The following FBXO42 variants were observed in gnomAD, a reference collection of about 807,000 sequenced individuals.
FBXO42 encodes F-box protein 42.
In FBXO42, 12 loss-of-function variants were observed where a neutral mutation model predicts 71.7. The observed-to-expected ratio is 0.17, with a 90% CI of 0.11 to 0.27. The LOEUF (loss-of-function observed/expected upper bound fraction) is 0.27, where lower values mean the gene tolerates loss of function less well. Among genes scored for constraint, FBXO42 ranks in the 10% least tolerant of loss-of-function variants. The pLI is 1.00. For synonymous variants in FBXO42, 325 were observed against 327.5 expected, an observed-to-expected ratio of 0.99 and a Z score of 0.08; for missense variants, 707 against 911.9, an observed-to-expected ratio of 0.78 and a Z score of 2.89.
At chr1:16,279,831 A>G (rs1271475325) in intron 4 of FBXO42, among the ~76,000 whole-genome samples, 2 of 144,364 alleles carry the variant, frequency 1.4e-5, no homozygotes, top group Non-Finnish European at 3.0e-5. Flanking sequence ...GTGAAAAATC[A>G]TGTTGACAAT....
rs2081581674 is a variant in FBXO42 at position 16,250,650 on chromosome 1, G to A, written c.*20C>T. On this transcript the variant is annotated 3_prime_UTR_variant, in exon 10 of 10. Transcript: ENST00000375592. The surrounding 1 kb of genome is among the most constrained non-coding windows in gnomAD (Gnocchi z 4.7). ...ATTCCAAATTAAAAGCCACAGAAAA[G>A]GAAAGGGGTTTAGAACACATTATCT... 6.3e-7 allele frequency: 1 copy of A among 1,592,866 alleles called. No homozygotes were observed. Among genetic ancestry groups the A allele is most frequent in the East Asian group, 2.2e-5 (1 of 44,498 alleles).
intron 1 of FBXO42, among the ~76,000 whole-genome samples, chr1:16,350,757 A>AAAAAGAAAGAAAGAAAGAAAG (rs1553156683): frequency 1.6e-4 from 7 of 44,250 alleles, no homozygotes; most frequent in Non-Finnish European, 2.9e-4. Context: ...AAAAAAAAAA[A>AAAAAGAAAGAAAGAAAGAAAG]AAAGAAAGAA....
chr1:16,300,154 T>C (rs1021287309), intron 3 of FBXO42, among the ~76,000 whole-genome samples: 1 of 152,144 alleles, frequency 6.6e-6, no homozygotes, highest in African/African-American at 2.4e-5. Context: ...AATAGAAAAT[T>C]TTCCTTTCAG....
At chr1:16,308,400 T>G (rs1465529836) in intron 2 of FBXO42, among the ~76,000 whole-genome samples, 3 of 152,110 alleles carry the variant, frequency 2.0e-5, no homozygotes, top group Non-Finnish European at 4.4e-5. Flanking sequence ...GGAGGATCGC[T>G]TGAGCCCAGG....
intron 3 of FBXO42, among the ~76,000 whole-genome samples, chr1:16,298,121 G>A (rs886662136): frequency 2.6e-5 from 4 of 151,988 alleles, no homozygotes; most frequent in African/African-American, 9.7e-5. Flanking sequence ...AGCTACTGGG[G>A]AGGCTGAGGC....
intron 4 of FBXO42, among the ~76,000 whole-genome samples, chr1:16,285,306 C>T (rs1211900501): frequency 6.6e-6 from 1 of 151,986 alleles, no homozygotes; most frequent in Non-Finnish European, 1.5e-5. Flanking sequence ...TCTTCCCATG[C>T]TCTGTTGCCC....
chr1:16,271,262 T>TGTTG (rs1341468836), intron 4 of FBXO42, among the ~76,000 whole-genome samples: 2 of 60,808 alleles, frequency 3.3e-5, no homozygotes, highest in African/African-American at 7.8e-5. Flanking sequence ...TGTGTTGGTG[T>TGTTG]GTGTGTGTGT....
intron 4 of FBXO42, among the ~76,000 whole-genome samples, chr1:16,265,861 T>C (rs2081766105): frequency 6.6e-6 from 1 of 151,860 alleles, no homozygotes; most frequent in Admixed American, 6.6e-5. Context: ...CTGATCTGCA[T>C]ACTACACAGT....
At chr1:16,322,555 A>G (rs2082416766) in intron 1 of FBXO42, among the ~76,000 whole-genome samples, 1 of 152,208 alleles carries the variant, frequency 6.6e-6, no homozygotes, top group South Asian at 2.1e-4. Context: ...CAGCCTGGGC[A>G]ACAGAGCGAG....
chr1:16,253,379 T>C (rs1569805957), intron 7 of FBXO42: 1 of 594,406 alleles, frequency 1.7e-6, no homozygotes. Flanking sequence ...TTAACATGAA[T>C]GTCAACCACA....
intron 3 of FBXO42, 93 bp downstream of exon 3, chr1:16,305,710 T>C: frequency 9.3e-7 from 1 of 1,074,702 alleles, no homozygotes; most frequent in Non-Finnish European, 1.4e-6. Context: ...TGAGACCTTG[T>C]CTCAAAAACA....
intron 1 of FBXO42, among the ~76,000 whole-genome samples, chr1:16,350,753 A>AGACAAG (rs1553156680): frequency 1.0e-4 from 3 of 28,866 alleles, no homozygotes; most frequent in Non-Finnish European, 1.9e-4. Flanking sequence ...CAAAAAAAAA[A>AGACAAG]AAAAAAAGAA....
At chr1:16,330,626 G>A (rs2082490762) in intron 1 of FBXO42, among the ~76,000 whole-genome samples, 4 of 152,106 alleles carry the variant, frequency 2.6e-5, no homozygotes, top group Admixed American at 2.6e-4. Context: ...GGCCAACATG[G>A]TGAAACCCTG....
At chr1:16,332,743 G>A (rs1465704486) in intron 1 of FBXO42, among the ~76,000 whole-genome samples, 1 of 152,056 alleles carries the variant, frequency 6.6e-6, no homozygotes, top group Admixed American at 6.6e-5. Context: ...GTTTCACCAT[G>A]TTGGTCAGGC....
At chr1:16,292,879 G>C (rs1206607916) in intron 4 of FBXO42, 1 of 152,212 alleles carries the variant, frequency 6.6e-6, no homozygotes, top group African/African-American at 2.4e-5. Flanking sequence ...AAGCTGAGAA[G>C]ATCTTCTATA....
At chr1:16,310,110 G>C (rs2082297191) in intron 2 of FBXO42, among the ~76,000 whole-genome samples, 1 of 151,166 alleles carries the variant, frequency 6.6e-6, no homozygotes, top group Non-Finnish European at 1.5e-5. Flanking sequence ...CAGGAGAATG[G>C]CGTGAACCCG....
At chr1:16,281,471 TG>T (rs141662033) in intron 4 of FBXO42, among the ~76,000 whole-genome samples, 6 of 146,918 alleles carry the variant, frequency 4.1e-5, no homozygotes, top group African/African-American at 1.6e-4. Context: ...TTTCTTTTTT[TG>T]TTTTTTTTTT....
At chr1:16,270,674 C>CAAA (rs34861558) in intron 4 of FBXO42, among the ~76,000 whole-genome samples, 4,142 of 14,854 alleles carry the variant, frequency 0.28, 1,006 homozygotes, top group East Asian at 0.35. Context: ...CTCTGTCTCT[C>CAAA]AAAAAAAAAA....
intron 4 of FBXO42, among the ~76,000 whole-genome samples, chr1:16,289,712 C>T (rs2082058727): frequency 6.6e-6 from 1 of 152,154 alleles, no homozygotes; most frequent in Non-Finnish European, 1.5e-5. Flanking sequence ...AAAAAGTCTC[C>T]TGTTTAAAGT....
Sources: allele counts gnomAD v4.1 joint callset (sites outside exome capture counted in the v4.1 genomes callset), GRCh38; gene constraint gnomAD v4.1.1; non-coding constraint Gnocchi (gnomAD v3.1); transcripts MANE v1.5; gene names NCBI Gene and HGNC (gene_info 2026-07-23, HGNC 2026-07-21).